Variants in CCDC66 observed in about 807,000 individuals in gnomAD.
The protein encoded by CCDC66 is coiled-coil domain containing 66.
CCDC66 carries 133 observed loss-of-function variants against 128.3 expected under a neutral mutation model. The ratio of observed to expected loss-of-function variants is 1.04; its 90% CI spans 0.90 to 1.20. The LOEUF (loss-of-function observed/expected upper bound fraction) is 1.20. Ranked by LOEUF, CCDC66 falls within the 50% of genes most tolerant of loss-of-function variation. The probability of loss-of-function intolerance (pLI) is 0.00; values close to 1 mark genes in which losing one functional copy is unlikely to be tolerated. For synonymous variants in CCDC66, 387 were observed against 357.0 expected (o/e 1.08, Z -0.95); for missense variants, 1,126 against 1,075.5 (o/e 1.05, Z -0.66).
intron 7 of CCDC66, among the ~76,000 whole-genome samples, chr3:56,581,355 C>G (rs1358882292): frequency 1.3e-5 from 2 of 151,778 alleles, no homozygotes; most frequent in African/African-American, 4.8e-5. Context: ...GTTGGAACAT[C>G]CTCCTTTAGC....
intron 10 of CCDC66, among the ~76,000 whole-genome samples, chr3:56,596,106 AC>A (rs968576845): frequency 6.6e-6 from 1 of 152,120 alleles, no homozygotes; most frequent in Admixed American, 6.5e-5. Flanking sequence ...TTTTATAGAG[AC>A]ACAGTCTCAC....
At chr3:56,605,427 G>A (rs1386005126) in intron 10 of CCDC66, among the ~76,000 whole-genome samples, 1 of 151,984 alleles carries the variant, frequency 6.6e-6, no homozygotes, top group Admixed American at 6.6e-5. Flanking sequence ...TTTGGTCTTT[G>A]ATCTTGGTGA....
chr3:56,580,358 T>C (rs1223684312), intron 7 of CCDC66, among the ~76,000 whole-genome samples: 2 of 137,248 alleles, frequency 1.5e-5, no homozygotes, highest in African/African-American at 5.3e-5. Context: ...CTTGACTCTT[T>C]ATCCATTTTG....
At chr3:56,568,930 G>C (rs2066255971) in intron 6 of CCDC66, among the ~76,000 whole-genome samples, 1 of 152,238 alleles carries the variant, frequency 6.6e-6, no homozygotes, top group African/African-American at 2.4e-5. Flanking sequence ...TGACGTAACA[G>C]TTGTATTTCT....
At chr3:56,596,817 C>T (rs150383593) in intron 10 of CCDC66, among the ~76,000 whole-genome samples, 74 of 145,740 alleles carry the variant, frequency 5.1e-4, no homozygotes, top group Non-Finnish European at 2.4e-4. Flanking sequence ...AATGCAGTGA[C>T]GTGATCAGCT....
chr3:56,572,084 C>T (rs908241807), intron 7 of CCDC66, among the ~76,000 whole-genome samples: 2 of 152,114 alleles, frequency 1.3e-5, no homozygotes, highest in African/African-American at 4.8e-5. Context: ...TCTCTATTTA[C>T]ATTCTGTGAG....
Position 56,615,253 on chromosome 3 carries a change from A to G in CCDC66, c.1692A>G (p.Arg564=), listed in dbSNP as rs750706633. ...CGCAAAAGGGACATGACACTTCTAGACTGATTAAAAATCTTGGTGGTAAGG... is the reference window on the plus strand; with the variant it reads ...CGCAAAAGGGACATGACACTTCTAGGCTGATTAAAAATCTTGGTGGTAAGG... ...ELAQKGHDTS[R]LIKNLGVDTI... The change falls in exon 12 of 18, where the codon AGA becomes AGG. Residue 564 remains arginine (R), a synonymous_variant. Coordinates refer to ENST00000394672, the MANE Select transcript of CCDC66 (RefSeq NM_001141947.3). 1 of 1,612,258 alleles carries G rather than the reference A, an allele frequency of 6.2e-7. No homozygotes were observed. Among genetic ancestry groups the G allele is most frequent in the Admixed American group, 1.7e-5 (1 of 59,798 alleles).
chr3:56,612,627 A>G (rs1186906638), intron 10 of CCDC66, among the ~76,000 whole-genome samples: 2 of 152,144 alleles, frequency 1.3e-5, no homozygotes, highest in African/African-American at 4.8e-5. Context: ...CTGGGATCCA[A>G]GCAGCCAGTG....
intron 17 of CCDC66, 116 bp downstream of exon 17, chr3:56,620,017 A>G: frequency 9.1e-7 from 1 of 1,097,482 alleles, no homozygotes. Context: ...TTTAACAAAA[A>G]TATTTCAGTT....
intron 15 of CCDC66, 45 bp downstream of exon 15, chr3:56,618,257 A>T: frequency 1.3e-6 from 2 of 1,531,860 alleles, no homozygotes; most frequent in South Asian, 1.1e-5. Flanking sequence ...AATGCTTTCT[A>T]TGTGGGACAA....
chr3:56,558,818 G>C (rs2064719481), intron 1 of CCDC66, 28 bp from the exon 2 acceptor site: 1 of 1,477,794 alleles, frequency 6.8e-7, no homozygotes, highest in Admixed American at 2.0e-5. Flanking sequence ...TGTTAAAAAT[G>C]AGAGACAACT....
chr3:56,571,627 C>G (rs1476488709), intron 7 of CCDC66, among the ~76,000 whole-genome samples: 1 of 152,124 alleles, frequency 6.6e-6, no homozygotes, highest in East Asian at 1.9e-4. Flanking sequence ...ATCTGCCAGC[C>G]TTGACCTCCC....
chr3:56,588,113 T>C (rs1449776518), intron 7 of CCDC66, among the ~76,000 whole-genome samples: 1 of 152,234 alleles, frequency 6.6e-6, no homozygotes, highest in Admixed American at 6.5e-5. Context: ...GATGGAATCC[T>C]ACTCAGCCAT....
Position 56,559,604 on chromosome 3 carries a change from A to G in CCDC66, c.102+10A>G, listed in dbSNP as rs2064834934. ...AAAAATTTCTGTGAAGGTAAGCCGT[A>G]TAACTTTGACCTGACCTGTTTTCAA... On this transcript the variant is annotated intron_variant, in intron 3 of 17. Coordinates refer to ENST00000394672, the MANE Select transcript of CCDC66 (RefSeq NM_001141947.3). 1 of 1,531,024 alleles carries G rather than the reference A, an allele frequency of 6.5e-7. No individual in the cohort carries two copies. The highest frequency in any genetic ancestry group is 8.8e-7 in the Non-Finnish European group (1 of 1,137,584). 94.8% of individuals were successfully genotyped at this position (1,531,024 alleles called of 1,614,324 possible). A position where few individuals can be genotyped will look rare whatever the true frequency, so the allele number is the denominator to read the frequency against.
At chr3:56,613,793 G>GT (rs1324323257) in intron 11 of CCDC66, 43 bp downstream of exon 11, 2 of 1,540,632 alleles carry the variant, frequency 1.3e-6, no homozygotes, top group Non-Finnish European at 1.8e-6. Flanking sequence ...TTTTGTTTGT[G>GT]TTTTTGAGAC....
intron 10 of CCDC66, among the ~76,000 whole-genome samples, chr3:56,597,538 CTT>C (rs1360554039): frequency 6.6e-6 from 1 of 151,978 alleles, no homozygotes; most frequent in Non-Finnish European, 1.5e-5. Flanking sequence ...TTTGTATCCT[CTT>C]TCGTTTATTT....
intron 7 of CCDC66, among the ~76,000 whole-genome samples, chr3:56,579,534 C>T (rs1042442898): frequency 1.3e-5 from 2 of 151,776 alleles, no homozygotes; most frequent in African/African-American, 4.8e-5. Flanking sequence ...CCTGCTTTCT[C>T]TTGTGGACAT....
At chr3:56,597,227 C>T (rs1260202784) in intron 10 of CCDC66, among the ~76,000 whole-genome samples, 1 of 152,028 alleles carries the variant, frequency 6.6e-6, no homozygotes. Flanking sequence ...GGATTTATTT[C>T]TGGATTCCCT....
chr3:56,558,496 G>C (rs561010725), intron 1 of CCDC66, among the ~76,000 whole-genome samples: 1 of 152,150 alleles, frequency 6.6e-6, no homozygotes, highest in Non-Finnish European at 1.5e-5. Context: ...AATGAATGGC[G>C]GTTAAATATA....
Sources: allele counts gnomAD v4.1 joint callset (sites outside exome capture counted in the v4.1 genomes callset), GRCh38; gene constraint gnomAD v4.1.1; transcripts MANE v1.5; gene names NCBI Gene and HGNC (gene_info 2026-07-23, HGNC 2026-07-21).